The following OTUD7A variants were observed in gnomAD, a reference collection of about 807,000 sequenced individuals.
The protein encoded by OTUD7A is OTU domain-containing protein 7A.
Under a neutral mutation model 65.7 loss-of-function variants are expected in OTUD7A, and 12 were observed. The ratio of observed to expected loss-of-function variants is 0.18; its 90% CI spans 0.12 to 0.30. The LOEUF is 0.30. Ranked by LOEUF, OTUD7A falls within the 10% of genes least tolerant of loss-of-function variation. OTUD7A has a pLI of 1.00. For synonymous variants in OTUD7A, 641 were observed against 586.3 expected (o/e 1.09, Z -1.35); for missense variants, 1,148 against 1,304.8 (o/e 0.88, Z 1.85).
At chr15:31,782,949 C>A (rs1245887067) in intron 1 of OTUD7A, among the ~76,000 whole-genome samples, 1 of 152,032 alleles carries the variant, frequency 6.6e-6, no homozygotes, top group Non-Finnish European at 1.5e-5. Context: ...GGGGAACCTG[C>A]ACAAAACTGG....
At chr15:31,541,154 AT>A (rs1053436547) in intron 5 of OTUD7A, among the ~76,000 whole-genome samples, 6 of 151,708 alleles carry the variant, frequency 4.0e-5, no homozygotes, top group African/African-American at 1.5e-4. Flanking sequence ...AGCATGTTAA[AT>A]TTTTTTTTGC....
At chr15:31,505,836 A>AC (rs1165039676) in intron 8 of OTUD7A, among the ~76,000 whole-genome samples, 8 of 148,166 alleles carry the variant, frequency 5.4e-5, no homozygotes, top group Non-Finnish European at 1.2e-4. Context: ...TGCAAGCTCC[A>AC]CCTCCCGGGT....
intron 3 of OTUD7A, among the ~76,000 whole-genome samples, chr15:31,599,216 C>A (rs140112612): frequency 0.035 from 5,339 of 152,322 alleles, 342 homozygotes; most frequent in African/African-American, 0.12. Flanking sequence ...GACTGGGAGA[C>A]ACCTCCCAGG....
chr15:31,616,509 T>C (rs1185185850), intron 3 of OTUD7A, among the ~76,000 whole-genome samples: 2 of 152,246 alleles, frequency 1.3e-5, no homozygotes, highest in African/African-American at 4.8e-5. Flanking sequence ...CCCCTGTTTT[T>C]GTACAATGCA....
chr15:31,686,435 C>T (rs1026774882), intron 1 of OTUD7A, among the ~76,000 whole-genome samples: 2 of 152,264 alleles, frequency 1.3e-5, no homozygotes, highest in African/African-American at 4.8e-5. Context: ...CATCCACACA[C>T]TCAAGTGAAA....
Position 31,487,678 on chromosome 15 carries a change from A to G in OTUD7A, c.1172-112T>C. On this transcript the variant is annotated intron_variant, in intron 10 of 12. Transcript: ENST00000307050. The surrounding 1 kb of genome is among the most constrained non-coding windows in gnomAD (Gnocchi z 6.0). ...TGACAAATGCACCGAGTGGACATCT[A>G]CACAGATCTGTGCCAGCAGGAGCAT... 1 of 761,232 alleles carries G rather than the reference A, an allele frequency of 1.3e-6. No individual in the cohort carries two copies. Among genetic ancestry groups the G allele is most frequent in the Admixed American group, 2.7e-5 (1 of 36,824 alleles). The allele number at this position is 761,232 out of a possible 1,614,324, so 47.2% of individuals were successfully genotyped here.
At chr15:31,598,065 G>A (rs1195879348) in intron 3 of OTUD7A, among the ~76,000 whole-genome samples, 1 of 152,190 alleles carries the variant, frequency 6.6e-6, no homozygotes, top group African/African-American at 2.4e-5. Flanking sequence ...TGGTCCGGGA[G>A]AGCCTGGGAG....
chr15:31,834,983 G>T (rs545000451), intron 1 of OTUD7A, among the ~76,000 whole-genome samples: 3 of 152,188 alleles, frequency 2.0e-5, no homozygotes, highest in Non-Finnish European at 4.4e-5. Flanking sequence ...ATGGGGAGGG[G>T]TGTAACACCC....
chr15:31,640,416 A>T (rs759675146), intron 3 of OTUD7A, among the ~76,000 whole-genome samples: 12 of 151,088 alleles, frequency 7.9e-5, no homozygotes, highest in Non-Finnish European at 1.8e-4. Flanking sequence ...AAAAAAAAAT[A>T]ATAAAAATAA....
chr15:31,784,159 A>G (rs919996311), intron 1 of OTUD7A, among the ~76,000 whole-genome samples: 3 of 152,272 alleles, frequency 2.0e-5, no homozygotes, highest in Non-Finnish European at 4.4e-5. Flanking sequence ...GAACTGTAAT[A>G]TAATGGAGTA....
intron 5 of OTUD7A, chr15:31,558,183 C>T (rs900701288): frequency 4.6e-5 from 7 of 152,358 alleles, no homozygotes; most frequent in Admixed American, 2.0e-4. Context: ...GAGAAACCCC[C>T]AGATATGTGA....
At chr15:31,783,052 A>C (rs1895582197) in intron 1 of OTUD7A, among the ~76,000 whole-genome samples, 1 of 152,212 alleles carries the variant, frequency 6.6e-6, no homozygotes. Flanking sequence ...CTGCATTTAA[A>C]GGTCAGATAG....
intron 1 of OTUD7A, chr15:31,767,787 T>C: frequency 2.7e-6 from 2 of 732,108 alleles, no homozygotes; most frequent in South Asian, 3.1e-5. Context: ...CGAGATAAGT[T>C]TTGTAATTTA....
rs1429728595 is a variant in OTUD7A at position 31,484,063 on chromosome 15, TGCTCCTGCTCGGCGCTGAAGC to T, written c.2012_2032del (p.Arg671_Glu677del). 1 of 1,488,580 alleles carries T rather than the reference TGCTCCTGCTCGGCGCTGAAGC, an allele frequency of 6.7e-7. No homozygotes were observed. Among genetic ancestry groups the T allele is most frequent in the Non-Finnish European group, 8.9e-7 (1 of 1,122,170 alleles). 92.2% of individuals were successfully genotyped at this position (1,488,580 alleles called of 1,614,324 possible). A position where few individuals can be genotyped will look rare whatever the true frequency, so the allele number is the denominator to read the frequency against. On this transcript the variant is annotated inframe_deletion, in exon 13 of 13. Transcript: ENST00000307050. The surrounding 1 kb of genome is among the most constrained non-coding windows in gnomAD (Gnocchi z 4.5). ...CGCAGTAGCGGCGTCGCGGCGCCGCTGCTCCTGCTCGGCGCTGAAGCGCTCCTGCGCGCTCGTCAGGTAGTA... is the reference window on the plus strand; with the variant it reads ...CGCAGTAGCGGCGTCGCGGCGCCGCTGCTCCTGCGCGCTCGTCAGGTAGTA...
At chr15:31,680,268 G>T (rs1892682326) in intron 1 of OTUD7A, among the ~76,000 whole-genome samples, 1 of 152,080 alleles carries the variant, frequency 6.6e-6, no homozygotes, top group African/African-American at 2.4e-5. Flanking sequence ...TTTTAATATA[G>T]AATTGTAACT....
chr15:31,811,924 G>T (rs1382246734), intron 1 of OTUD7A, among the ~76,000 whole-genome samples: 1 of 152,184 alleles, frequency 6.6e-6, no homozygotes, highest in East Asian at 1.9e-4. Context: ...AGCGGGAGGG[G>T]TCAGCTTCAC....
At chr15:31,815,695 T>G (rs991548957) in intron 1 of OTUD7A, among the ~76,000 whole-genome samples, 1 of 152,236 alleles carries the variant, frequency 6.6e-6, no homozygotes, top group Admixed American at 6.5e-5. Flanking sequence ...GGAGCCAGGC[T>G]GGGGGGCCTC....
intron 1 of OTUD7A, among the ~76,000 whole-genome samples, chr15:31,854,021 G>C (rs764930614): frequency 2.0e-5 from 3 of 152,108 alleles, no homozygotes; most frequent in Non-Finnish European, 4.4e-5. Flanking sequence ...TATTACTACT[G>C]TAACAAATTA....
chr15:31,567,536 T>C (rs1233925513), intron 4 of OTUD7A, among the ~76,000 whole-genome samples: 1 of 152,180 alleles, frequency 6.6e-6, no homozygotes, highest in African/African-American at 2.4e-5. Flanking sequence ...AGAAAAAGCT[T>C]TTTCAGAAGA....
Sources: gnomAD v4.1 joint callset for allele counts (sites outside exome capture counted in the v4.1 genomes callset) on GRCh38, gnomAD v4.1.1 for gene constraint, Gnocchi (gnomAD v3.1) non-coding constraint, MANE v1.5 for transcripts, NCBI Gene and HGNC (gene_info 2026-07-23, HGNC 2026-07-21) for gene names.